The following ZFAND3 variants were observed in gnomAD, a reference collection of about 807,000 sequenced individuals.
ZFAND3 encodes zinc finger AN1-type containing 3.
In ZFAND3, 10 loss-of-function variants were observed where a neutral mutation model predicts 29.6. The ratio of observed to expected loss-of-function variants is 0.34; its 90% confidence interval spans 0.21 to 0.57. ZFAND3 has a LOEUF of 0.57. ZFAND3 is among the 20% of genes least tolerant of loss of function. The pLI is 0.86. For missense variants in ZFAND3, 230 were observed against 304.5 expected, an observed-to-expected ratio of 0.76 and a Z score of 1.82; for synonymous variants, 128 against 112.6, an observed-to-expected ratio of 1.14 and a Z score of -0.87.
chr6:37,951,732 G>T (rs1312814416), intron 2 of ZFAND3, among the ~76,000 whole-genome samples: 1 of 152,082 alleles, frequency 6.6e-6, no homozygotes, highest in Non-Finnish European at 1.5e-5. Flanking sequence ...GTACTGTGTT[G>T]AATAAGAGTG....
chr6:38,033,157 T>A (rs1041436207), intron 2 of ZFAND3, among the ~76,000 whole-genome samples: 6 of 152,198 alleles, frequency 3.9e-5, no homozygotes, highest in Non-Finnish European at 8.8e-5. Flanking sequence ...TCCTGAGAGC[T>A]GTTTGAAATA....
At chr6:37,855,243 C>G (rs1764360860) in intron 1 of ZFAND3, among the ~76,000 whole-genome samples, 1 of 150,460 alleles carries the variant, frequency 6.6e-6, no homozygotes, top group African/African-American at 2.4e-5. Context: ...CTCCCAGGTT[C>G]AGGCAATTCT....
intron 1 of ZFAND3, among the ~76,000 whole-genome samples, chr6:37,886,492 G>A (rs568150236): frequency 1.3e-5 from 2 of 152,254 alleles, no homozygotes; most frequent in Admixed American, 1.3e-4. Context: ...TCCTAAAATA[G>A]TACAAGTTGT....
chr6:37,824,226 C>T (rs1262689589), intron 1 of ZFAND3, among the ~76,000 whole-genome samples: 1 of 152,148 alleles, frequency 6.6e-6, no homozygotes, highest in Non-Finnish European at 1.5e-5. Flanking sequence ...ATTGTTGTAT[C>T]TGAAATGAAA....
intron 1 of ZFAND3, among the ~76,000 whole-genome samples, chr6:37,900,647 A>G (rs1765302131): frequency 1.3e-5 from 2 of 152,126 alleles, no homozygotes; most frequent in Admixed American, 1.3e-4. Flanking sequence ...AAGGTTATTA[A>G]CTCATTCAAC....
At chr6:37,941,289 G>A (rs12200494) in intron 2 of ZFAND3, among the ~76,000 whole-genome samples, 3 of 152,352 alleles carry the variant, frequency 2.0e-5, no homozygotes, top group African/African-American at 7.2e-5. Flanking sequence ...AAATAGATTA[G>A]TCGGGATTGT....
At chr6:38,016,611 C>G (rs1340551269) in intron 2 of ZFAND3, among the ~76,000 whole-genome samples, 1 of 152,160 alleles carries the variant, frequency 6.6e-6, no homozygotes, top group Non-Finnish European at 1.5e-5. Flanking sequence ...GTTAAACTTA[C>G]AATTTTGCAG....
intron 5 of ZFAND3, among the ~76,000 whole-genome samples, chr6:38,141,495 C>T (rs1562014499): frequency 6.6e-6 from 1 of 152,162 alleles, no homozygotes; most frequent in African/African-American, 2.4e-5. Context: ...CCAGGCTGCA[C>T]TATATAGTCT....
At chr6:37,991,923 A>G (rs1014460147) in intron 2 of ZFAND3, among the ~76,000 whole-genome samples, 1 of 152,182 alleles carries the variant, frequency 6.6e-6, no homozygotes, top group Non-Finnish European at 1.5e-5. Flanking sequence ...GATTCTTTTG[A>G]CATTTAACCC....
At chr6:38,053,944 A>ATT (rs879692598) in intron 2 of ZFAND3, among the ~76,000 whole-genome samples, 1 of 147,084 alleles carries the variant, frequency 6.8e-6, no homozygotes, top group Non-Finnish European at 1.5e-5. Flanking sequence ...GACAAGGTCT[A>ATT]TTTTTTTTTT....
At chr6:38,081,116 T>C (rs1764652287) in intron 3 of ZFAND3, among the ~76,000 whole-genome samples, 1 of 152,190 alleles carries the variant, frequency 6.6e-6, no homozygotes, top group African/African-American at 2.4e-5. Context: ...TAGCTATTTA[T>C]TGCTGTCATG....
chr6:37,872,260 A>C (rs573263074), intron 1 of ZFAND3, among the ~76,000 whole-genome samples: 1 of 152,358 alleles, frequency 6.6e-6, no homozygotes, highest in Admixed American at 6.5e-5. Context: ...TTTCCGGTGC[A>C]GACTCACAGT....
chr6:37,975,373 T>C (rs1762460682), intron 2 of ZFAND3, among the ~76,000 whole-genome samples: 1 of 152,184 alleles, frequency 6.6e-6, no homozygotes, highest in Non-Finnish European at 1.5e-5. Flanking sequence ...TGGATACAAA[T>C]CTTTTTCATA....
At chr6:37,847,526 A>T (rs1764203966) in intron 1 of ZFAND3, among the ~76,000 whole-genome samples, 1 of 152,192 alleles carries the variant, frequency 6.6e-6, no homozygotes, top group Non-Finnish European at 1.5e-5. Flanking sequence ...GTGAGCCGAG[A>T]TCGCGCCACT....
At chr6:38,098,556 A>G (rs1467194873) in intron 4 of ZFAND3, among the ~76,000 whole-genome samples, 2 of 150,730 alleles carry the variant, frequency 1.3e-5, no homozygotes, top group African/African-American at 2.4e-5. Flanking sequence ...GCTGGAGTGC[A>G]GTGGCACGAT....
At chr6:38,077,052 A>G (rs142324013) in intron 3 of ZFAND3, among the ~76,000 whole-genome samples, 5 of 152,180 alleles carry the variant, frequency 3.3e-5, no homozygotes, top group East Asian at 3.9e-4. Context: ...ACATGGACAC[A>G]TCAGGAAACA....
chr6:37,901,246 A>G (rs1050954176), intron 1 of ZFAND3, among the ~76,000 whole-genome samples: 1 of 152,212 alleles, frequency 6.6e-6, no homozygotes, highest in Non-Finnish European at 1.5e-5. Context: ...AGGAAGGAAA[A>G]GGGCATCCTG....
At chr6:38,118,210 G>A (rs1455397309) in intron 5 of ZFAND3, among the ~76,000 whole-genome samples, 1 of 152,150 alleles carries the variant, frequency 6.6e-6, no homozygotes, top group African/African-American at 2.4e-5. Context: ...AGGCTATTTC[G>A]ATCAACCCTG....
At chr6:37,847,882 A>G (rs1456793448) in intron 1 of ZFAND3, among the ~76,000 whole-genome samples, 1 of 152,240 alleles carries the variant, frequency 6.6e-6, no homozygotes, top group African/African-American at 2.4e-5. Flanking sequence ...GAACACGGTC[A>G]TGCTCATTTA....
Sources: allele counts gnomAD v4.1 joint callset (sites outside exome capture counted in the v4.1 genomes callset), GRCh38; gene constraint gnomAD v4.1.1; transcripts MANE v1.5; gene names NCBI Gene and HGNC (gene_info 2026-07-23, HGNC 2026-07-21).